Variants in ADGRL2 observed in about 807,000 individuals in gnomAD.
The protein encoded by ADGRL2 is adhesion G protein-coupled receptor L2.
In ADGRL2, 44 loss-of-function variants were observed where a neutral mutation model predicts 157.4. The ratio of observed to expected loss-of-function variants is 0.28; its 90% confidence interval spans 0.22 to 0.36. The LOEUF (loss-of-function observed/expected upper bound fraction) is 0.36, where lower values mean the gene tolerates loss of function less well. Among genes scored for constraint, ADGRL2 ranks in the 10% least tolerant of loss-of-function variants. The pLI is 1.00. For synonymous variants in ADGRL2, 585 were observed against 624.7 expected (o/e 0.94, Z 0.95); for missense variants, 1,510 against 1,768.9 (o/e 0.85, Z 2.63).
chr1:81,666,463 A>G (rs942039361), intron 3 of ADGRL2, among the ~76,000 whole-genome samples: 20 of 152,200 alleles, frequency 1.3e-4, no homozygotes, highest in Non-Finnish European at 2.2e-4. Flanking sequence ...GCTGAAGGAC[A>G]TCATTAAACT....
chr1:81,975,329 C>A (rs536090490), intron 17 of ADGRL2, among the ~76,000 whole-genome samples: 1 of 152,154 alleles, frequency 6.6e-6, no homozygotes, highest in Admixed American at 6.6e-5. Flanking sequence ...TTTTTCCTTT[C>A]TCACTGATGC....
rs545339606 is a variant in ADGRL2 at position 81,728,833 on chromosome 1, C to T, written c.-143+29025C>T. Reference sequence around the variant, plus strand: ...TTTAGATCCCTTTCCTATTCAAGCACTTAACTAACTGTGCTCCAGTTCCGA... The same window carrying T: ...TTTAGATCCCTTTCCTATTCAAGCATTTAACTAACTGTGCTCCAGTTCCGA... On this transcript the variant is annotated intron_variant, in intron 1 of 20. Transcript: ENST00000359929. Among the ~76,000 whole-genome samples the T allele has an allele frequency of 7.5e-4, 114 of 152,258 alleles. 2 individuals carry two copies. Among genetic ancestry groups the T allele is most frequent in the African/African-American group, 2.7e-3 (111 of 41,560 alleles).
chr1:81,547,582 G>C (rs2148364537), intron 2 of ADGRL2, among the ~76,000 whole-genome samples: 1 of 152,306 alleles, frequency 6.6e-6, no homozygotes, highest in Non-Finnish European at 1.5e-5. Flanking sequence ...AGACTCTCGA[G>C]TATTATTTGT....
upstream of ADGRL2, among the ~76,000 whole-genome samples, chr1:81,795,675 A>G (rs1380284515): frequency 6.6e-6 from 1 of 152,154 alleles, no homozygotes; most frequent in Non-Finnish European, 1.5e-5. Context: ...ATGAATAATC[A>G]AAGTCATATT....
chr1:81,594,730 G>T (rs965685391), intron 3 of ADGRL2, among the ~76,000 whole-genome samples: 2 of 152,090 alleles, frequency 1.3e-5, no homozygotes, highest in African/African-American at 4.8e-5. Context: ...GAAATCTTTT[G>T]AAATCCTACC....
intron 3 of ADGRL2, among the ~76,000 whole-genome samples, chr1:81,662,200 T>C (rs2082665576): frequency 6.6e-6 from 1 of 152,054 alleles, no homozygotes; most frequent in African/African-American, 2.4e-5. Context: ...AATTAAGTTA[T>C]TATTGACTAT....
intron 2 of ADGRL2, among the ~76,000 whole-genome samples, chr1:81,474,798 A>G (rs1421418829): frequency 6.6e-6 from 1 of 152,110 alleles, no homozygotes; most frequent in African/African-American, 2.4e-5. Flanking sequence ...TCCATCATTC[A>G]TGGCCAATTA....
At chr1:81,911,543 C>T (rs1390416475) in intron 3 of ADGRL2, among the ~76,000 whole-genome samples, 2 of 152,218 alleles carry the variant, frequency 1.3e-5, no homozygotes, top group East Asian at 1.9e-4. Flanking sequence ...ACTGTTTTTT[C>T]ACTCTAAAAA....
intron 3 of ADGRL2, among the ~76,000 whole-genome samples, chr1:81,654,418 G>A (rs2082487102): frequency 6.6e-6 from 1 of 152,028 alleles, no homozygotes; most frequent in Non-Finnish European, 1.5e-5. Context: ...CCTTATTCAA[G>A]CCCATTTAAT....
intron 2 of ADGRL2, among the ~76,000 whole-genome samples, chr1:81,518,780 A>G (rs908312844): frequency 6.6e-6 from 1 of 150,588 alleles, no homozygotes; most frequent in Non-Finnish European, 1.5e-5. Flanking sequence ...CCTAAGTAAC[A>G]GAGTGAGACC....
chr1:81,832,024 T>C (rs2091976674), intron 1 of ADGRL2, among the ~76,000 whole-genome samples: 1 of 152,214 alleles, frequency 6.6e-6, no homozygotes, highest in African/African-American at 2.4e-5. Flanking sequence ...ATTAGTGATA[T>C]GTATCTTACA....
intron 2 of ADGRL2, chr1:81,503,074 T>A: frequency 1.2e-6 from 2 of 1,608,766 alleles, no homozygotes; most frequent in Non-Finnish European, 1.7e-6. Context: ...GCGGCTGGAG[T>A]CAGGGGAGCC....
At chr1:81,807,873 T>C (rs1238186402) in intron 1 of ADGRL2, among the ~76,000 whole-genome samples, 1 of 151,910 alleles carries the variant, frequency 6.6e-6, no homozygotes, top group Non-Finnish European at 1.5e-5. Context: ...TGAGATCATA[T>C]ATCTGCTGCA....
At chr1:81,347,167 G>A (rs1000176381) in intron 1 of ADGRL2, among the ~76,000 whole-genome samples, 3 of 152,138 alleles carry the variant, frequency 2.0e-5, no homozygotes, top group East Asian at 1.9e-4. Context: ...GGGAGGCTGA[G>A]GCGGGTAGAT....
chr1:81,722,737 G>A, intron 1 of ADGRL2: 1 of 901,320 alleles, frequency 1.1e-6, no homozygotes, highest in East Asian at 2.4e-5. Flanking sequence ...TCAAAGAATA[G>A]AAAGAGTTAA....
intron 1 of ADGRL2, among the ~76,000 whole-genome samples, chr1:81,333,406 A>T (rs7367280): frequency 0.24 from 29,678 of 122,892 alleles, 3,043 homozygotes; most frequent in Admixed American, 0.3. Flanking sequence ...TTAATTAATT[A>T]ATTAATTTAT....
intron 3 of ADGRL2, among the ~76,000 whole-genome samples, chr1:81,918,093 T>A (rs2094899683): frequency 6.6e-6 from 1 of 152,174 alleles, no homozygotes; most frequent in African/African-American, 2.4e-5. Flanking sequence ...TAGATGGAAG[T>A]TCAGTTGGTG....
chr1:81,882,920 A>G (rs1430406945), intron 2 of ADGRL2, among the ~76,000 whole-genome samples: 1 of 152,200 alleles, frequency 6.6e-6, no homozygotes, highest in Non-Finnish European at 1.5e-5. Flanking sequence ...TGCCTATACA[A>G]TACAGTCCAA....
At chr1:81,619,536 A>G (rs2081742397) in intron 3 of ADGRL2, among the ~76,000 whole-genome samples, 1 of 152,196 alleles carries the variant, frequency 6.6e-6, no homozygotes, top group African/African-American at 2.4e-5. Context: ...CCCCACTGGA[A>G]AATTGTCTGA....
Sources: gnomAD v4.1 joint callset for allele counts (sites outside exome capture counted in the v4.1 genomes callset) on GRCh38, gnomAD v4.1.1 for gene constraint, MANE v1.5 for transcripts, NCBI Gene and HGNC (gene_info 2026-07-23, HGNC 2026-07-21) for gene names.